The following SCN1A variants were observed in gnomAD, a reference collection of about 807,000 sequenced individuals.
The protein encoded by SCN1A is sodium channel protein type 1 subunit alpha.
SCN1A carries 13 observed loss-of-function variants against 193.7 expected under a neutral mutation model. That is an observed-to-expected ratio of 0.07 (90% CI 0.04 to 0.11). The LOEUF (loss-of-function observed/expected upper bound fraction) is 0.11, where lower values mean the gene tolerates loss of function less well. Among genes scored for constraint, SCN1A ranks in the 10% least tolerant of loss-of-function variants. The probability of loss-of-function intolerance (pLI) is 1.00; values close to 1 mark genes in which losing one functional copy is unlikely to be tolerated. For synonymous variants in SCN1A, 781 were observed against 843.6 expected (o/e 0.93, Z 1.29); for missense variants, 1,432 against 2,451.1 (o/e 0.58, Z 8.78).
chr2:166,143,978 A>C (rs1415455505), intron 1 of SCN1A, among the ~76,000 whole-genome samples: 3 of 152,204 alleles, frequency 2.0e-5, no homozygotes, highest in Non-Finnish European at 2.9e-5. Flanking sequence ...TTCACATTCA[A>C]AGTCTGAGAA....
chr2:166,048,422 T>G (rs1358941640), intron 10 of SCN1A, among the ~76,000 whole-genome samples: 1 of 152,140 alleles, frequency 6.6e-6, no homozygotes, highest in Non-Finnish European at 1.5e-5. Flanking sequence ...TCTCATCATT[T>G]AGCTCCCACT....
intron 18 of SCN1A, 64 bp from the exon 19 acceptor site, chr2:166,036,594 A>T: frequency 6.6e-7 from 1 of 1,522,250 alleles, no homozygotes; most frequent in Non-Finnish European, 9.0e-7. Context: ...GATTACAATC[A>T]CTTATTCTTT....
chr2:165,991,516 A>G lies in SCN1A; in HGVS notation c.5759T>C (p.Val1920Ala). The change falls in exon 29 of 29, where the codon GTC becomes GCC. Residue 1920 changes from valine (V) to alanine (A), a missense_variant. This residue lies in a region of SCN1A where 148 missense variants were observed against 160.3 expected (regional missense o/e 0.92). Transcript: ENST00000674923. The stretch of plus-strand genomic sequence containing the variant: ...GCGTCTGTAAGCACGCTGAATAATG[A>G]CAGCAGATACTTCCTCTTGTTTTCG... ...LKRKQEEVSA[V>A]IIQRAYRRHL... 1.9e-6 allele frequency: 3 copies of G among 1,613,988 alleles called. No individual in the cohort carries two copies. The highest frequency in any genetic ancestry group is 2.5e-6 in the Non-Finnish European group (3 of 1,179,924).
chr2:166,047,244 A>G (rs1438710219), intron 11 of SCN1A, among the ~76,000 whole-genome samples: 1 of 152,148 alleles, frequency 6.6e-6, no homozygotes, highest in African/African-American at 2.4e-5. Context: ...GTCCTCCATT[A>G]ACGACCTGAG....
At position 166,039,614 on chromosome 2, in the gene SCN1A, T is replaced by A; in HGVS notation, c.2416-18A>T. On this transcript the variant is annotated intron_variant, in intron 16 of 28. Coordinates refer to ENST00000674923, the MANE Select transcript of SCN1A (RefSeq NM_001165963.4). Reference sequence around the variant, plus strand: ...GTGAAAACCTAAGATCAAAACAAAATTAATCTAATTCCACCAGATAATAAC... The same window carrying A: ...GTGAAAACCTAAGATCAAAACAAAAATAATCTAATTCCACCAGATAATAAC... 1 of 1,605,438 alleles carries A rather than the reference T, an allele frequency of 6.2e-7. No homozygotes were observed. Among genetic ancestry groups the A allele is most frequent in the Non-Finnish European group, 8.5e-7 (1 of 1,172,346 alleles).
intron 2 of SCN1A, among the ~76,000 whole-genome samples, chr2:166,095,199 T>G (rs1687245021): frequency 6.6e-6 from 1 of 152,178 alleles, no homozygotes; most frequent in African/African-American, 2.4e-5. Context: ...ATGTCTCTCT[T>G]TAGTTTTCTC....
At chr2:166,027,354 T>C (rs998613826) in intron 19 of SCN1A, 4 of 152,214 alleles carry the variant, frequency 2.6e-5, no homozygotes, top group Non-Finnish European at 5.9e-5. Flanking sequence ...AAGAAAACTT[T>C]CTTCAATATT....
At chr2:166,059,770 T>G (rs1683089511) in intron 4 of SCN1A, among the ~76,000 whole-genome samples, 1 of 152,220 alleles carries the variant, frequency 6.6e-6, no homozygotes, top group Non-Finnish European at 1.5e-5. Flanking sequence ...ACTAAGAATC[T>G]TTGTATAGTC....
At chr2:166,039,237 A>C (rs1477165803) in intron 17 of SCN1A, among the ~76,000 whole-genome samples, 186 bp downstream of exon 17, 1 of 152,196 alleles carries the variant, frequency 6.6e-6, no homozygotes, top group Non-Finnish European at 1.5e-5. Context: ...ATGTTCTTTG[A>C]AATAAAGGTT....
chr2:165,997,218 A>G (rs1690200056), intron 26 of SCN1A, among the ~76,000 whole-genome samples: 1 of 151,380 alleles, frequency 6.6e-6, no homozygotes, highest in African/African-American at 2.4e-5. Flanking sequence ...AAGATTAAAA[A>G]CAATCTAAAT....
rs1415761561 is a variant in SCN1A at position 165,991,777 on chromosome 2, G to C, written c.5498C>G (p.Ala1833Gly). Residue 1833 changes from alanine (A) to glycine (G), a missense_variant, in exon 29 of 29, where the codon GCT (alanine) becomes GGT (glycine). By Grantham distance (60) the Ala-to-Gly change is moderately conservative (BLOSUM62 0). This residue lies in a region of SCN1A where 59 missense variants were observed against 110.6 expected (regional missense o/e 0.53). Transcript: ENST00000674923. ...CAGATTGAGAGGCGGTTCAAGCGCA[G>C]CTGCAAACTGAGATAATTTTTCAAA... ...MEFEKLSQFA[A>G]ALEPPLNLPQ... 6.2e-7 allele frequency: 1 copy of C among 1,613,924 alleles called. No homozygotes were observed. Among genetic ancestry groups the C allele is most frequent in the East Asian group, 2.2e-5 (1 of 44,846 alleles).
At chr2:166,123,223 C>CAAAAAAAAAAAAAAAAAAAAAAAA (rs57488795) in intron 2 of SCN1A, among the ~76,000 whole-genome samples, 2 of 116,414 alleles carry the variant, frequency 1.7e-5, no homozygotes, top group African/African-American at 3.5e-5. Context: ...CATTCATTTG[C>CAAAAAAAAAAAAAAAAAAAAAAAA]AAAAAAAAAA....
At chr2:166,024,800 C>A (rs1320389668) in intron 19 of SCN1A, among the ~76,000 whole-genome samples, 1 of 152,160 alleles carries the variant, frequency 6.6e-6, no homozygotes, top group Admixed American at 6.5e-5. Context: ...ACTGGGACTA[C>A]AGGTGCATGC....
intron 19 of SCN1A, among the ~76,000 whole-genome samples, chr2:166,025,007 C>G (rs1694563356): frequency 6.6e-6 from 1 of 152,170 alleles, no homozygotes; most frequent in South Asian, 2.1e-4. Flanking sequence ...TGCAATTGCT[C>G]TTTACACATA....
In SCN1A at chr2:166,061,987, A is replaced by G. The variant is rs972222492; in HGVS notation, c.265-3299T>C. ...TTTGGTAACAAGATTTATATGTGCA[A>G]TGGAAAATACTTGCAAGTTGAATTT... On this transcript the variant is annotated intron_variant, in intron 4 of 28. Transcript: ENST00000674923. Among the ~76,000 whole-genome samples the G allele has an allele frequency of 2.0e-5, 3 of 152,184 alleles. No individual in the cohort carries two copies. In the South Asian group the frequency reaches 6.2e-4, roughly 31 times the overall value.
rs115334790 is a variant in SCN1A, at chr2:166,025,992, A to G, written c.3429+10056T>C. Among the ~76,000 whole-genome samples the G allele has an allele frequency of 7.4e-3, 1,130 of 152,200 alleles. 22 individuals are homozygous for G. Among genetic ancestry groups the G allele is most frequent in the African/African-American group, 0.026 (1,080 of 41,542 alleles). On this transcript the variant is annotated intron_variant, in intron 19 of 28. Coordinates refer to ENST00000674923, the MANE Select transcript of SCN1A (RefSeq NM_001165963.4). The stretch of plus-strand genomic sequence containing the variant: ...ATTTCTTAATTTTCAAATGGTTGGA[A>G]TTCTTTCTATCAATTTATTATTAAT...
intron 23 of SCN1A, among the ~76,000 whole-genome samples, chr2:166,003,857 A>T (rs1443296981): frequency 8.6e-6 from 1 of 116,180 alleles, no homozygotes; most frequent in Non-Finnish European, 1.8e-5. Context: ...TTTTAGAACA[A>T]TTTTTTTTAA....
At chr2:166,064,890 A>AATAC (rs1306163014) in intron 4 of SCN1A, among the ~76,000 whole-genome samples, 4 of 152,344 alleles carry the variant, frequency 2.6e-5, no homozygotes, top group Admixed American at 1.3e-4. Flanking sequence ...GATGATGAAC[A>AATAC]ATACACAAAA....
intron 2 of SCN1A, among the ~76,000 whole-genome samples, chr2:166,112,432 T>A (rs1455133139): frequency 6.6e-6 from 1 of 152,202 alleles, no homozygotes; most frequent in African/African-American, 2.4e-5. Context: ...TAGACTATAG[T>A]ATGGTGTAAA....
Sources: allele counts gnomAD v4.1 joint callset (sites outside exome capture counted in the v4.1 genomes callset), GRCh38; gene constraint gnomAD v4.1.1; regional missense constraint gnomAD v4.1.1; transcripts MANE v1.5; gene names NCBI Gene and HGNC (gene_info 2026-07-23, HGNC 2026-07-21).